C1QTNF3: variants seen among roughly 807,000 people sequenced by gnomAD.
C1QTNF3 encodes complement C1q tumor necrosis factor-related protein 3.
C1QTNF3 carries 26 observed loss-of-function variants against 32.6 expected under a neutral mutation model. The ratio of observed to expected loss-of-function variants is 0.80; its 90% CI spans 0.58 to 1.11. The LOEUF is 1.11. C1QTNF3 is among the 50% of genes least tolerant of loss of function. The pLI is 0.00. For synonymous variants in C1QTNF3, 155 were observed against 146.0 expected, an observed-to-expected ratio of 1.06 and a Z score of -0.44; for missense variants, 362 against 398.2, an observed-to-expected ratio of 0.91 and a Z score of 0.77.
At chr5:34,029,310 T>G (rs1027178562) in intron 3 of C1QTNF3, among the ~76,000 whole-genome samples, 5 of 152,122 alleles carry the variant, frequency 3.3e-5, no homozygotes, top group African/African-American at 1.2e-4. Flanking sequence ...TTTCTTTTTT[T>G]TTTTTTCTTT....
chr5:34,166,648 T>C, the C1QTNF3 span: 9 of 152,192 alleles, frequency 5.9e-5, no homozygotes, highest in African/African-American at 2.2e-4. Context: ...ACATATGTTT[T>C]AGGCATAAAG....
At chr5:34,216,063 C>T in the C1QTNF3 span, among the ~76,000 whole-genome samples, 80 of 152,312 alleles carry the variant, frequency 5.3e-4, no homozygotes, top group Non-Finnish European at 9.7e-4. Flanking sequence ...TCTTCTCACT[C>T]TCATAACTGT....
chr5:34,117,511 A>G, the C1QTNF3 span, among the ~76,000 whole-genome samples: 2 of 151,906 alleles, frequency 1.3e-5, no homozygotes, highest in Non-Finnish European at 2.9e-5. Context: ...GATCTGATAC[A>G]AGGGCCAGGC....
chr5:34,155,791 T>C, the C1QTNF3 span, among the ~76,000 whole-genome samples: 1 of 146,512 alleles, frequency 6.8e-6, no homozygotes, highest in African/African-American at 2.4e-5. Flanking sequence ...ATGAATATGG[T>C]ACAGTATGCC....
chr5:34,163,273 C>A, the C1QTNF3 span, among the ~76,000 whole-genome samples: 2 of 151,756 alleles, frequency 1.3e-5, no homozygotes, highest in African/African-American at 4.8e-5. Flanking sequence ...TGTACAACAA[C>A]CCCCCCATGA....
At chr5:34,067,891 T>C in the C1QTNF3 span, among the ~76,000 whole-genome samples, 1 of 152,242 alleles carries the variant, frequency 6.6e-6, no homozygotes, top group African/African-American at 2.4e-5. Flanking sequence ...AATATATGCA[T>C]GCAGTTGAAC....
At chr5:34,145,964 T>C in the C1QTNF3 span, among the ~76,000 whole-genome samples, 2 of 152,122 alleles carry the variant, frequency 1.3e-5, no homozygotes, top group African/African-American at 4.8e-5. Flanking sequence ...CAGCCCTCCA[T>C]GATAAAAAAC....
At chr5:34,050,133 G>T in the C1QTNF3 span, among the ~76,000 whole-genome samples, 13 of 152,316 alleles carry the variant, frequency 8.5e-5, no homozygotes, top group East Asian at 2.5e-3. Flanking sequence ...TTCCAGAGAA[G>T]ATAGGATAAG....
the C1QTNF3 span, among the ~76,000 whole-genome samples, chr5:34,110,068 G>C: frequency 6.6e-6 from 1 of 152,174 alleles, no homozygotes. Flanking sequence ...AATAAAGAGA[G>C]AGCTTGGAAT....
chr5:34,211,548 C>G, the C1QTNF3 span, among the ~76,000 whole-genome samples: 1 of 120,164 alleles, frequency 8.3e-6, no homozygotes, highest in Non-Finnish European at 1.7e-5. Context: ...CCCCTCCCCC[C>G]ACCCCATAAC....
At chr5:34,022,562 T>G (rs897181457) in intron 5 of C1QTNF3, among the ~76,000 whole-genome samples, 3 of 152,172 alleles carry the variant, frequency 2.0e-5, no homozygotes, top group African/African-American at 4.8e-5. Flanking sequence ...TGGGGAGACA[T>G]GTATTGTAAG....
At chr5:34,143,486 C>T in the C1QTNF3 span, among the ~76,000 whole-genome samples, 2 of 152,200 alleles carry the variant, frequency 1.3e-5, no homozygotes, top group South Asian at 2.1e-4. Context: ...ATTAGATTCA[C>T]CAAGGTCAAC....
At chr5:34,063,741 A>G in the C1QTNF3 span, among the ~76,000 whole-genome samples, 1 of 152,202 alleles carries the variant, frequency 6.6e-6, no homozygotes, top group Non-Finnish European at 1.5e-5. Flanking sequence ...GATGCAGCAT[A>G]AAGCTTCCTT....
chr5:34,126,123 G>A, the C1QTNF3 span, among the ~76,000 whole-genome samples: 1 of 152,192 alleles, frequency 6.6e-6, no homozygotes, highest in Admixed American at 6.5e-5. Flanking sequence ...CAGACAGAAA[G>A]TAAATGTTTG....
chr5:34,117,971 A>C, the C1QTNF3 span, among the ~76,000 whole-genome samples: 1 of 152,138 alleles, frequency 6.6e-6, no homozygotes, highest in Non-Finnish European at 1.5e-5. Flanking sequence ...AGTAGAAGAA[A>C]TATCAATTAT....
chr5:34,118,593 A>G, the C1QTNF3 span, among the ~76,000 whole-genome samples: 1 of 151,768 alleles, frequency 6.6e-6, no homozygotes, highest in Non-Finnish European at 1.5e-5. Flanking sequence ...TAATTTTAAC[A>G]TTTAACATAA....
At chr5:34,164,147 T>C in the C1QTNF3 span, among the ~76,000 whole-genome samples, 13 of 152,160 alleles carry the variant, frequency 8.5e-5, no homozygotes, top group Non-Finnish European at 1.6e-4. Flanking sequence ...ACTAAGCAAA[T>C]GCCCTTAGTG....
At chr5:34,046,017 A>G (rs1754979441), upstream of C1QTNF3, among the ~76,000 whole-genome samples, 1 of 152,202 alleles carries the variant, frequency 6.6e-6, no homozygotes, top group Non-Finnish European at 1.5e-5. Flanking sequence ...AGGTTTCATA[A>G]GTGGCCTTAA....
chr5:34,169,383 A>C, the C1QTNF3 span, among the ~76,000 whole-genome samples: 1 of 151,904 alleles, frequency 6.6e-6, no homozygotes, highest in Admixed American at 6.6e-5. Flanking sequence ...CATATTTTTT[A>C]ATGTATCTGT....
Sources: allele counts gnomAD v4.1 joint callset (sites outside exome capture counted in the v4.1 genomes callset), GRCh38; gene constraint gnomAD v4.1.1; transcripts MANE v1.5; gene names NCBI Gene and HGNC (gene_info 2026-07-23, HGNC 2026-07-21).